ARSB: variants seen among roughly 807,000 people sequenced by gnomAD.
ARSB encodes N-acetylgalactosamine-4-sulfatase.
In ARSB, 41 loss-of-function variants were observed where a neutral mutation model predicts 50.9. The ratio of observed to expected loss-of-function variants is 0.81; its 90% CI spans 0.63 to 1.04. The LOEUF (loss-of-function observed/expected upper bound fraction) is 1.04. Ranked by LOEUF, ARSB falls within the 50% of genes least tolerant of loss-of-function variation. The probability of loss-of-function intolerance (pLI) is 0.00; values close to 1 mark genes in which losing one functional copy is unlikely to be tolerated. For synonymous variants in ARSB, 269 were observed against 284.8 expected (o/e 0.94, Z 0.56); for missense variants, 672 against 693.3 (o/e 0.97, Z 0.35).
At chr5:78,814,321 C>A (rs1221813133) in intron 6 of ARSB, among the ~76,000 whole-genome samples, 2 of 150,944 alleles carry the variant, frequency 1.3e-5, no homozygotes, top group African/African-American at 2.5e-5. Context: ...TGATTAATCT[C>A]TTTTTACATG....
intron 6 of ARSB, among the ~76,000 whole-genome samples, chr5:78,804,581 T>C (rs1379473558): frequency 1.3e-5 from 2 of 152,306 alleles, no homozygotes; most frequent in South Asian, 4.1e-4. Context: ...TCTTTTGACA[T>C]GGCAGATAAT....
chr5:78,947,927 A>G (rs998403039), intron 4 of ARSB, among the ~76,000 whole-genome samples: 8 of 152,370 alleles, frequency 5.3e-5, no homozygotes, highest in African/African-American at 1.7e-4. Flanking sequence ...TGTGCTACAT[A>G]TACACAATGG....
upstream of ARSB, chr5:78,985,705 G>A (rs997487254): frequency 6.6e-6 from 1 of 152,448 alleles, no homozygotes. Context: ...GCTTATAAAT[G>A]GTTAAACCTC....
chr5:78,912,492 T>C (rs1749352058), intron 4 of ARSB, among the ~76,000 whole-genome samples: 1 of 152,226 alleles, frequency 6.6e-6, no homozygotes, highest in Non-Finnish European at 1.5e-5. Context: ...TCACTGTTTT[T>C]GGCTAGCAGG....
chr5:78,947,816 A>G (rs927433408), intron 4 of ARSB, among the ~76,000 whole-genome samples: 2 of 152,244 alleles, frequency 1.3e-5, no homozygotes, highest in Non-Finnish European at 2.9e-5. Flanking sequence ...CAGTATATCA[A>G]ACATACACTT....
intron 5 of ARSB, among the ~76,000 whole-genome samples, chr5:78,849,689 A>G (rs1465315222): frequency 6.8e-6 from 1 of 147,552 alleles, no homozygotes; most frequent in East Asian, 1.9e-4. Flanking sequence ...CTTCCTGTCC[A>G]TGAGCATGGA....
chr5:78,868,843 C>G (rs1746956334), intron 5 of ARSB, among the ~76,000 whole-genome samples: 1 of 147,892 alleles, frequency 6.8e-6, no homozygotes, highest in Non-Finnish European at 1.5e-5. Flanking sequence ...GGACTAAATG[C>G]TACAATTAAA....
chr5:78,924,254 T>G (rs1749951091), intron 4 of ARSB, among the ~76,000 whole-genome samples: 1 of 152,220 alleles, frequency 6.6e-6, no homozygotes, highest in Non-Finnish European at 1.5e-5. Flanking sequence ...TTTATCCCTA[T>G]TTTGCAGATA....
rs115093069 is a variant in ARSB, at chr5:78,793,633, C to G, written c.1214-11659G>C. Among the ~76,000 whole-genome samples the G allele has an allele frequency of 6.1e-3, 932 of 152,276 alleles. 15 individuals are homozygous for G. The highest frequency in any genetic ancestry group is 0.021 in the African/African-American group (868 of 41,558). ...CTTGATCCTGTGGCCATGGTCCCCC[C>G]AAACTAAATTGATTTACTTCGTCAA... On this transcript the variant is annotated intron_variant, in intron 6 of 7. Coordinates refer to ENST00000264914, the MANE Select transcript of ARSB (RefSeq NM_000046.5).
At chr5:78,865,626 T>A (rs916663760) in intron 5 of ARSB, among the ~76,000 whole-genome samples, 1 of 152,206 alleles carries the variant, frequency 6.6e-6, no homozygotes, top group African/African-American at 2.4e-5. Flanking sequence ...AAATGGAATT[T>A]TCTTTTCTAT....
At chr5:78,901,683 G>GA (rs1748813255) in intron 4 of ARSB, among the ~76,000 whole-genome samples, 1 of 151,632 alleles carries the variant, frequency 6.6e-6, no homozygotes, top group African/African-American at 2.4e-5. Context: ...AATAATAAAA[G>GA]ATAACCAAAT....
intron 5 of ARSB, among the ~76,000 whole-genome samples, chr5:78,845,090 G>T: frequency 6.6e-6 from 1 of 150,870 alleles, no homozygotes; most frequent in Admixed American, 6.6e-5. Context: ...TTGCTTCTAT[G>T]AGATCAACGT....
chr5:78,809,407 G>A (rs1743713942), intron 6 of ARSB, among the ~76,000 whole-genome samples: 1 of 152,270 alleles, frequency 6.6e-6, no homozygotes, highest in African/African-American at 2.4e-5. Flanking sequence ...TAGGTGTCTT[G>A]TGACAGAGCT....
At chr5:78,936,286 G>C (rs1750596831) in intron 4 of ARSB, among the ~76,000 whole-genome samples, 2 of 151,038 alleles carry the variant, frequency 1.3e-5, no homozygotes, top group East Asian at 2.0e-4. Flanking sequence ...CATCATGCTG[G>C]GTTATTTTTG....
chr5:78,856,524 G>C (rs1002588132), intron 5 of ARSB, among the ~76,000 whole-genome samples: 10 of 152,140 alleles, frequency 6.6e-5, no homozygotes, highest in African/African-American at 2.2e-4. Flanking sequence ...CTTCCACAAA[G>C]GTGTGTATAC....
rs1189973283 is a variant in ARSB, at chr5:78,850,065, C to A, written c.1143-10639G>T. Among the ~76,000 whole-genome samples, 796 of 151,908 alleles carry A rather than the reference C, an allele frequency of 5.2e-3. 10 individuals are homozygous for A. Among genetic ancestry groups the A allele is most frequent in the African/African-American group, 0.019 (767 of 41,456 alleles). On this transcript the variant is annotated intron_variant, in intron 5 of 7. Coordinates refer to ENST00000264914, the MANE Select transcript of ARSB (RefSeq NM_000046.5). ...GAATGCCCTTTATTTCCTTCTCCTGCCTAATTGCCCTGGCCAGAACTTCCA... is the reference window on the plus strand; with the variant it reads ...GAATGCCCTTTATTTCCTTCTCCTGACTAATTGCCCTGGCCAGAACTTCCA...
chr5:78,786,039 T>C (rs60214939), intron 6 of ARSB, among the ~76,000 whole-genome samples: 39,062 of 152,142 alleles, frequency 0.26, 6,946 homozygotes, highest in African/African-American at 0.5. Flanking sequence ...TGTAAAATTC[T>C]ATGGTTTTTA....
chr5:78,863,023 T>C (rs955245903), intron 5 of ARSB, among the ~76,000 whole-genome samples: 5 of 152,180 alleles, frequency 3.3e-5, no homozygotes, highest in Admixed American at 2.0e-4. Flanking sequence ...TCATCACTGG[T>C]CATCAGAGAA....
At chr5:78,864,161 G>T (rs1746589806) in intron 5 of ARSB, among the ~76,000 whole-genome samples, 1 of 151,914 alleles carries the variant, frequency 6.6e-6, no homozygotes, top group African/African-American at 2.4e-5. Context: ...TGCAAAAGAG[G>T]GTTAGGGGGT....
Sources: allele counts gnomAD v4.1 joint callset (sites outside exome capture counted in the v4.1 genomes callset), GRCh38; gene constraint gnomAD v4.1.1; transcripts MANE v1.5; gene names NCBI Gene and HGNC (gene_info 2026-07-23, HGNC 2026-07-21).